Variants in USH2A observed in about 807,000 individuals in gnomAD.
USH2A encodes the protein Usher syndrome 2A (autosomal recessive, mild).
USH2A carries 443 observed loss-of-function variants against 538.9 expected under a neutral mutation model. That is an observed-to-expected ratio of 0.82 (90% CI 0.76 to 0.89). The LOEUF (loss-of-function observed/expected upper bound fraction) is 0.89, where lower values mean the gene tolerates loss of function less well. Among genes scored for constraint, USH2A ranks in the 40% least tolerant of loss-of-function variants. The pLI is 0.00. For missense variants in USH2A, 6,633 were observed against 6,324.8 expected (o/e 1.05, Z -1.65); for synonymous variants, 2,413 against 2,273.5 (o/e 1.06, Z -1.75).
At chr1:216,299,415 G>C (rs1460191619) in intron 9 of USH2A, among the ~76,000 whole-genome samples, 1 of 151,950 alleles carries the variant, frequency 6.6e-6, no homozygotes, top group Non-Finnish European at 1.5e-5. Context: ...ATATAAATAT[G>C]CAATTTTAAG....
intron 38 of USH2A, among the ~76,000 whole-genome samples, chr1:215,903,990 T>A (rs566811532): frequency 3.3e-5 from 5 of 152,228 alleles, no homozygotes; most frequent in African/African-American, 1.2e-4. Flanking sequence ...TCATAATTTA[T>A]TTGACATATA....
At chr1:216,029,540 TATTTGTGATGCTATTTATTACAA>T (rs1463781001) in intron 32 of USH2A, among the ~76,000 whole-genome samples, 2 of 152,074 alleles carry the variant, frequency 1.3e-5, no homozygotes, top group Admixed American at 1.3e-4. Flanking sequence ...CACAATGAAA[TATTTGTGATGCTATTTATTACAA>T]ATTTGGTAAC....
chr1:215,645,983 T>C (rs1656839568), intron 67 of USH2A, among the ~76,000 whole-genome samples: 1 of 151,880 alleles, frequency 6.6e-6, no homozygotes, highest in African/African-American at 2.4e-5. Context: ...GCCATTAAAA[T>C]TGGTGGCTAA....
intron 65 of USH2A, 102 bp downstream of exon 65, chr1:215,650,490 G>C (rs1319223856): frequency 5.1e-6 from 7 of 1,375,888 alleles, no homozygotes; most frequent in African/African-American, 4.3e-5. Context: ...AGAACAGAAG[G>C]ATAAGAAAGA....
At chr1:216,308,464 T>C (rs1332417291) in intron 9 of USH2A, among the ~76,000 whole-genome samples, 1 of 152,200 alleles carries the variant, frequency 6.6e-6, no homozygotes, top group African/African-American at 2.4e-5. Flanking sequence ...ACATGTATAT[T>C]GACCATTTCA....
intron 3 of USH2A, among the ~76,000 whole-genome samples, chr1:216,387,713 A>G (rs2039030615): frequency 6.6e-6 from 1 of 152,204 alleles, no homozygotes; most frequent in Non-Finnish European, 1.5e-5. Context: ...AAACGTTAAA[A>G]TCTATTTTAT....
intron 31 of USH2A, among the ~76,000 whole-genome samples, 199 bp downstream of exon 31, chr1:216,048,335 A>G (rs1039381004): frequency 3.9e-5 from 6 of 152,210 alleles, no homozygotes; most frequent in African/African-American, 1.4e-4. Flanking sequence ...GCTATTAAAG[A>G]TGCATGTCAT....
intron 3 of USH2A, among the ~76,000 whole-genome samples, chr1:216,382,560 T>G (rs116311377): frequency 1.1e-3 from 168 of 152,298 alleles, no homozygotes; most frequent in African/African-American, 3.6e-3. Flanking sequence ...TACTTGAATT[T>G]GAATTTTGAA....
intron 32 of USH2A, among the ~76,000 whole-genome samples, chr1:216,022,237 C>G (rs1482286372): frequency 6.6e-6 from 1 of 152,074 alleles, no homozygotes; most frequent in Non-Finnish European, 1.5e-5. Flanking sequence ...ACTAAATGGA[C>G]TGAGACAGGT....
At chr1:216,030,761 T>C (rs1423437494) in intron 32 of USH2A, among the ~76,000 whole-genome samples, 1 of 151,214 alleles carries the variant, frequency 6.6e-6, no homozygotes, top group Non-Finnish European at 1.5e-5. Flanking sequence ...CTTTCCAGTT[T>C]CATGAATGAG....
chr1:215,905,684 C>T (rs1665623421), intron 38 of USH2A, among the ~76,000 whole-genome samples: 1 of 152,022 alleles, frequency 6.6e-6, no homozygotes, highest in Admixed American at 6.6e-5. Flanking sequence ...ATCAGTTGTT[C>T]ATCCAGGTTA....
chr1:215,781,750 C>T (rs1387939178), intron 54 of USH2A, among the ~76,000 whole-genome samples: 1 of 151,938 alleles, frequency 6.6e-6, no homozygotes, highest in Non-Finnish European at 1.5e-5. Flanking sequence ...TTATAGATTA[C>T]CTAAAATTGG....
chr1:215,790,064 T>C lies in USH2A; in HGVS notation c.10177A>G (p.Met3393Val), dbSNP rs1199905165. 18 of 1,613,240 alleles carry C rather than the reference T, an allele frequency of 1.1e-5. No homozygotes were observed. Among genetic ancestry groups the C allele is most frequent in the Non-Finnish European group, 1.5e-5 (18 of 1,179,930 alleles). ...CSDKISTGMM[M>V]KETKECRILC... ...AGAGCTTTTCTATCAATTACCTTCA[T>C]CATCATTCCAGTTGAAATCTTGTCA... Residue 3393 changes from methionine to valine, a missense_variant, in exon 51 of 72, where the codon ATG (methionine) becomes GTG (valine). Coordinates refer to ENST00000307340, the MANE Select transcript of USH2A (RefSeq NM_206933.4).
chr1:215,904,763 T>C lies in USH2A; in HGVS notation c.7301-3858A>G, dbSNP rs535215315. 3.3e-5 allele frequency among the ~76,000 whole-genome samples: 5 copies of C among 152,204 alleles called. No individual in the cohort carries two copies. The East Asian group carries it at 9.7e-4, about 29-fold the overall frequency. ...ATACTAATTCTACACAGCGACTAGA[T>C]AAAACAGCTATCCCAATCTATAAAC... On this transcript the variant is annotated intron_variant, in intron 38 of 71. Coordinates refer to ENST00000307340, the MANE Select transcript of USH2A (RefSeq NM_206933.4).
At chr1:215,893,503 C>A (rs1334737952) in intron 40 of USH2A, among the ~76,000 whole-genome samples, 1 of 152,070 alleles carries the variant, frequency 6.6e-6, no homozygotes, top group Non-Finnish European at 1.5e-5. Flanking sequence ...TAGTGGAAGG[C>A]CAGCAGATAG....
intron 30 of USH2A, among the ~76,000 whole-genome samples, chr1:216,050,905 G>A (rs958982418): frequency 8.6e-5 from 13 of 151,580 alleles, no homozygotes; most frequent in Non-Finnish European, 4.4e-5. Context: ...GTGCCCGGCC[G>A]GCCGACGCTT....
chr1:216,103,338 C>G (rs2032639829), intron 21 of USH2A, among the ~76,000 whole-genome samples: 2 of 152,174 alleles, frequency 1.3e-5, no homozygotes, highest in Admixed American at 1.3e-4. Flanking sequence ...AAACATTTTT[C>G]AAAAACCAAA....
At chr1:215,859,808 G>A (rs1038453751) in intron 44 of USH2A, among the ~76,000 whole-genome samples, 17 of 152,154 alleles carry the variant, frequency 1.1e-4, no homozygotes, top group Admixed American at 3.3e-4. Context: ...AGTAGATTGT[G>A]CTTCTTACAT....
At chr1:215,780,290 C>T (rs1043692876) in intron 54 of USH2A, among the ~76,000 whole-genome samples, 2 of 152,090 alleles carry the variant, frequency 1.3e-5, no homozygotes, top group Admixed American at 6.6e-5. Flanking sequence ...ACAATTTTGA[C>T]GGCAGAGTGC....
Sources: allele counts gnomAD v4.1 joint callset (sites outside exome capture counted in the v4.1 genomes callset), GRCh38; gene constraint gnomAD v4.1.1; transcripts MANE v1.5; gene names NCBI Gene and HGNC (gene_info 2026-07-23, HGNC 2026-07-21).